CSMD1: variants seen among roughly 807,000 people sequenced by gnomAD.
CSMD1 encodes CUB and Sushi multiple domains 1.
A neutral mutation model predicts 417.5 loss-of-function variants in CSMD1; 213 were observed. The ratio of observed to expected loss-of-function variants is 0.51; its 90% CI spans 0.46 to 0.57. The LOEUF (loss-of-function observed/expected upper bound fraction) is 0.57, where lower values mean the gene tolerates loss of function less well. Ranked by LOEUF, CSMD1 falls within the 20% of genes least tolerant of loss-of-function variation. The pLI is 0.00. For synonymous variants in CSMD1, 2,862 were observed against 1,736.8 expected, an observed-to-expected ratio of 1.65 and a Z score of -16.11; for missense variants, 6,923 against 4,529.7, an observed-to-expected ratio of 1.53 and a Z score of -15.17.
At chr8:3,905,473 G>A (rs539228202) in intron 5 of CSMD1, among the ~76,000 whole-genome samples, 9 of 152,322 alleles carry the variant, frequency 5.9e-5, no homozygotes, top group African/African-American at 1.9e-4. Flanking sequence ...TCCAATGACG[G>A]TGACTTTCCT....
chr8:3,605,734 G>C (rs1045372337), intron 8 of CSMD1, among the ~76,000 whole-genome samples: 1 of 152,164 alleles, frequency 6.6e-6, no homozygotes. Context: ...ATAGTAACAT[G>C]CACATACCAA....
chr8:3,336,044 G>A (rs1807240822), intron 23 of CSMD1, among the ~76,000 whole-genome samples: 1 of 152,150 alleles, frequency 6.6e-6, no homozygotes, highest in Non-Finnish European at 1.5e-5. Flanking sequence ...CTGTGTTGAG[G>A]TTAACGTACA....
intron 3 of CSMD1, among the ~76,000 whole-genome samples, chr8:4,343,753 C>T (rs988367293): frequency 2.0e-5 from 3 of 151,970 alleles, no homozygotes; most frequent in Non-Finnish European, 4.4e-5. Context: ...TTGATGTGTG[C>T]ACTGGGGCTC....
chr8:4,620,849 C>G (rs916135754), intron 2 of CSMD1, among the ~76,000 whole-genome samples: 1 of 151,066 alleles, frequency 6.6e-6, no homozygotes, highest in African/African-American at 2.4e-5. Context: ...AAAAAGGAGA[C>G]TAAACCCAAA....
intron 2 of CSMD1, among the ~76,000 whole-genome samples, chr8:4,454,247 G>C (rs1799333877): frequency 6.6e-6 from 1 of 152,102 alleles, no homozygotes; most frequent in Middle Eastern, 3.2e-3. Context: ...TCCTTACAGT[G>C]CTTACCGCCT....
intron 12 of CSMD1, among the ~76,000 whole-genome samples, chr8:3,413,198 A>C (rs573348018): frequency 6.6e-6 from 1 of 152,384 alleles, no homozygotes; most frequent in Admixed American, 6.5e-5. Flanking sequence ...TAAATGTTTC[A>C]TTCTGCCTCT....
chr8:3,656,560 G>A (rs921562333), intron 7 of CSMD1, among the ~76,000 whole-genome samples: 16 of 152,194 alleles, frequency 1.1e-4, no homozygotes, highest in Non-Finnish European at 2.4e-4. Context: ...ATGAGAACAT[G>A]AGATGGGAGA....
At chr8:4,629,105 T>C (rs957053532) in intron 2 of CSMD1, among the ~76,000 whole-genome samples, 2 of 152,162 alleles carry the variant, frequency 1.3e-5, no homozygotes, top group Admixed American at 1.3e-4. Flanking sequence ...GTTTGAATTT[T>C]CAAACATTAT....
At chr8:3,865,489 T>C (rs1805023405) in intron 5 of CSMD1, among the ~76,000 whole-genome samples, 1 of 149,988 alleles carries the variant, frequency 6.7e-6, no homozygotes, top group African/African-American at 2.5e-5. Flanking sequence ...CTCTGGGAAA[T>C]CAGAAAAGGG....
rs1056564245 is a variant in CSMD1 at position 3,345,334 on chromosome 8, A to G, written c.3475-1884T>C. Among the ~76,000 whole-genome samples, 4 of 152,186 alleles carry G rather than the reference A, an allele frequency of 2.6e-5. No individual in the cohort carries two copies. The East Asian group carries it at 7.7e-4, about 29-fold the overall frequency. The stretch of plus-strand genomic sequence containing the variant: ...AAAGCTGAATCGTAAGATTCTTCAG[A>G]ACAACAATTCTGCGTTCTTTATCCA... On this transcript the variant is annotated intron_variant, in intron 22 of 69. Coordinates refer to ENST00000635120, the MANE Select transcript of CSMD1 (RefSeq NM_033225.6).
intron 5 of CSMD1, among the ~76,000 whole-genome samples, chr8:3,878,736 G>C (rs1011878356): frequency 5.9e-5 from 9 of 152,098 alleles, no homozygotes; most frequent in Admixed American, 2.0e-4. Flanking sequence ...GGAAATATTA[G>C]ACCCTTGTAC....
intron 6 of CSMD1, among the ~76,000 whole-genome samples, chr8:3,741,832 C>G (rs1339622080): frequency 6.6e-6 from 1 of 152,162 alleles, no homozygotes; most frequent in Non-Finnish European, 1.5e-5. Flanking sequence ...CTCAAATGTG[C>G]TCAAGTCGGC....
At chr8:4,078,628 T>A (rs998960659) in intron 3 of CSMD1, among the ~76,000 whole-genome samples, 11 of 151,572 alleles carry the variant, frequency 7.3e-5, no homozygotes, top group African/African-American at 2.7e-4. Flanking sequence ...TTTTAGTTTT[T>A]CTGTATTTCA....
intron 49 of CSMD1, among the ~76,000 whole-genome samples, chr8:3,075,501 G>A (rs1013735866): frequency 2.6e-5 from 4 of 151,140 alleles, no homozygotes; most frequent in East Asian, 2.0e-4. Flanking sequence ...GGCTGGTCTC[G>A]AACTCCCAAC....
chr8:3,632,639 C>A (rs1197188263), intron 7 of CSMD1, among the ~76,000 whole-genome samples: 1 of 152,132 alleles, frequency 6.6e-6, no homozygotes, highest in Non-Finnish European at 1.5e-5. Context: ...AATTCCTTTA[C>A]ATTTAAAAAA....
At chr8:4,556,089 G>C (rs1026438020) in intron 2 of CSMD1, among the ~76,000 whole-genome samples, 8 of 152,050 alleles carry the variant, frequency 5.3e-5, no homozygotes, top group Non-Finnish European at 1.2e-4. Context: ...CTTAGGGAAT[G>C]TTTGCATCAA....
At position 3,359,184 on chromosome 8, in the gene CSMD1, C is replaced by T. The variant is rs757014018; in HGVS notation, c.3272G>A (p.Arg1091His). ...TKLTCLGGGR[R>H]VWSAPLPRCV... ...CCTTGGCAGAGGTGCACTCCACACA[C>T]GGCGGCCCCCACCCAGGCAGGTAAG... Residue 1091 changes from arginine (R) to histidine (H), a missense_variant, in exon 21 of 70, where the codon CGT becomes CAT. Coordinates refer to ENST00000635120, the MANE Select transcript of CSMD1 (RefSeq NM_033225.6). 1.9e-5 allele frequency: 30 copies of T among 1,613,862 alleles called. No individual in the cohort carries two copies. The highest frequency in any genetic ancestry group is 2.7e-5 in the African/African-American group (2 of 74,894).
chr8:3,013,264 C>A (rs1384999230), intron 52 of CSMD1, among the ~76,000 whole-genome samples: 1 of 152,042 alleles, frequency 6.6e-6, no homozygotes, highest in Non-Finnish European at 1.5e-5. Context: ...TCTTTTTTCC[C>A]ACCCACATGT....
intron 12 of CSMD1, among the ~76,000 whole-genome samples, chr8:3,413,807 T>C (rs1812961274): frequency 6.6e-6 from 1 of 152,098 alleles, no homozygotes; most frequent in African/African-American, 2.4e-5. Context: ...AACCCCCTTC[T>C]CTCTATGTCA....
Sources: gnomAD v4.1 joint callset for allele counts (sites outside exome capture counted in the v4.1 genomes callset) on GRCh38, gnomAD v4.1.1 for gene constraint, MANE v1.5 for transcripts, NCBI Gene and HGNC (gene_info 2026-07-23, HGNC 2026-07-21) for gene names.